Variants in RCAN3 observed in about 807,000 individuals in gnomAD.
RCAN3 encodes regulator of calcineurin 3, also known as calcipressin-3.
In RCAN3, 19 loss-of-function variants were observed where a neutral mutation model predicts 21.9. That is an observed-to-expected ratio of 0.87 (90% CI 0.61 to 1.27). The LOEUF (loss-of-function observed/expected upper bound fraction) is 1.27. Ranked by LOEUF, RCAN3 falls within the 50% of genes most tolerant of loss-of-function variation. The probability of loss-of-function intolerance (pLI) is 0.00; values close to 1 mark genes in which losing one functional copy is unlikely to be tolerated. For missense variants in RCAN3, 240 were observed against 300.1 expected (o/e 0.80, Z 1.48); for synonymous variants, 114 against 112.3 (o/e 1.01, Z -0.09).
intron 2 of RCAN3, among the ~76,000 whole-genome samples, chr1:24,521,352 C>T (rs1247130270): frequency 7.2e-5 from 11 of 152,090 alleles, no homozygotes. Context: ...ATTGCTTGAG[C>T]GCAGGAGTTT....
intron 3 of RCAN3, among the ~76,000 whole-genome samples, chr1:24,532,465 G>A (rs2148912520): frequency 6.6e-6 from 1 of 151,788 alleles, no homozygotes. Context: ...GACCTCAGGT[G>A]ACCCACCCGC....
rs1197815717 is a variant in RCAN3, at chr1:24,508,129, GAAAA to G, written c.-60+4981_-60+4984del. On this transcript the variant is annotated intron_variant, in intron 1 of 4. Transcript: ENST00000374395. ...AACTCCGTCTCAAAAAAAAAAGAAAGAAAAAGTGAAAAATACAAGACTAGAACTC... is the reference window on the plus strand; with the variant it reads ...AACTCCGTCTCAAAAAAAAAAGAAAGAGTGAAAAATACAAGACTAGAACTC... 3.2e-4 allele frequency among the ~76,000 whole-genome samples: 48 copies of G among 152,248 alleles called. No individual in the cohort carries two copies. In the East Asian group the frequency reaches 8.5e-3, roughly 27 times the overall value.
At chr1:24,534,723 C>T (rs746666916) in intron 4 of RCAN3, among the ~76,000 whole-genome samples, 4 of 152,300 alleles carry the variant, frequency 2.6e-5, no homozygotes, top group Non-Finnish European at 5.9e-5. Context: ...TCGCTTGAAC[C>T]TGGGAGGCAG....
intron 2 of RCAN3, among the ~76,000 whole-genome samples, chr1:24,519,215 GTTT>G (rs60599694): frequency 4.4e-5 from 6 of 136,728 alleles, no homozygotes; most frequent in Admixed American, 7.4e-5. Flanking sequence ...CTGGCCTGAT[GTTT>G]TTTTTTTTTT....
At chr1:24,520,844 A>AAAAAT (rs202072746) in intron 2 of RCAN3, among the ~76,000 whole-genome samples, 2 of 151,976 alleles carry the variant, frequency 1.3e-5, no homozygotes, top group African/African-American at 4.8e-5. Context: ...ATAATAAAAT[A>AAAAAT]AAAATAAAAT....
Position 24,513,190 on chromosome 1 carries a change from T to C in RCAN3, c.-59-1124T>C, listed in dbSNP as rs571013028. On this transcript the variant is annotated intron_variant, in intron 1 of 4. Transcript: ENST00000374395. ...AGGCGGAGCTTGCAGTGAGCCGAGA[T>C]TGTGCCACTGCACTCCAGCCTGGGT... 9.3e-4 allele frequency among the ~76,000 whole-genome samples: 142 copies of C among 152,148 alleles called. 1 individual carries two copies. The highest frequency in any genetic ancestry group is 6.8e-3 in the Middle Eastern group (2 of 292).
intron 2 of RCAN3, 46 bp from the exon 3 acceptor site, chr1:24,531,172 T>C (rs904643337): frequency 1.5e-6 from 2 of 1,340,570 alleles, no homozygotes; most frequent in Non-Finnish European, 2.0e-6. Flanking sequence ...TTTTTCTTTT[T>C]TTTTTTTCCT....
chr1:24,533,310 T>C, intron 4 of RCAN3, 56 bp downstream of exon 4: 1 of 1,394,496 alleles, frequency 7.2e-7, no homozygotes, highest in Non-Finnish European at 9.6e-7. Flanking sequence ...GTATTGAAGA[T>C]CGTATTCAGC....
intron 2 of RCAN3, among the ~76,000 whole-genome samples, chr1:24,526,407 AAGAG>A (rs142301367): frequency 0.014 from 2,147 of 150,598 alleles, 50 homozygotes; most frequent in African/African-American, 0.048. Context: ...TGGATTTTGG[AAGAG>A]AGAGAGAGAG....
chr1:24,514,453 G>A lies in RCAN3; in HGVS notation c.81G>A (p.Met27Ile). 5 of 1,614,156 alleles carry A rather than the reference G, an allele frequency of 3.1e-6. No individual in the cohort carries two copies. Among genetic ancestry groups the A allele is most frequent in the South Asian group, 1.1e-5 (1 of 91,088 alleles). The change falls in exon 2 of 5, where the codon ATG (methionine) becomes ATA (isoleucine). Residue 27 changes from methionine (M) to isoleucine (I), a missense_variant. Physicochemically the swap from Met to Ile is conservative, Grantham distance 10. Transcript: ENST00000374395. Reference sequence around the variant, plus strand: ...CTGACCAAGAAGAGGAAGAAGAGATGATTTTTGGTGAAAATGAAGATGATT... The same window carrying A: ...CTGACCAAGAAGAGGAAGAAGAGATAATTTTTGGTGAAAATGAAGATGATT... ...CSTDQEEEEE[M>I]IFGENEDDLD... is the part of the protein sequence containing the mutation.
At chr1:24,515,635 C>T (rs550384190) in intron 2 of RCAN3, among the ~76,000 whole-genome samples, 6 of 152,234 alleles carry the variant, frequency 3.9e-5, no homozygotes, top group Admixed American at 1.3e-4. Flanking sequence ...ATTTCCCTTC[C>T]GATGACTTTC....
intron 2 of RCAN3, among the ~76,000 whole-genome samples, chr1:24,528,754 T>C (rs1188814287): frequency 6.6e-6 from 1 of 152,138 alleles, no homozygotes; most frequent in Non-Finnish European, 1.5e-5. Context: ...ATCCACCTAA[T>C]AGTGGGAGAA....
chr1:24,523,603 T>TACACACACAC lies in RCAN3; in HGVS notation c.196-7585_196-7576dup, dbSNP rs71577716. ...TATATCAAATCTATATTATTTCTAATACACACACACACACACACACACACA... is the reference window on the plus strand; with the variant it reads ...TATATCAAATCTATATTATTTCTAATACACACACACACACACACACACACACACACACACA... On this transcript the variant is annotated intron_variant, in intron 2 of 4. Transcript: ENST00000374395. Among the ~76,000 whole-genome samples the TACACACACAC allele has an allele frequency of 4.4e-3, 614 of 140,822 alleles. 5 individuals carry two copies. The highest frequency in any genetic ancestry group is 0.015 in the African/African-American group (551 of 36,664). The allele number at this position is 140,822 out of a possible 152,430, so 92.4% of individuals were successfully genotyped here. A position where few individuals can be genotyped will look rare whatever the true frequency, so the allele number is the denominator to read the frequency against.
chr1:24,530,422 T>A (rs1465375208), intron 2 of RCAN3, among the ~76,000 whole-genome samples: 1 of 142,836 alleles, frequency 7.0e-6, no homozygotes, highest in Admixed American at 7.0e-5. Context: ...AGGAGCAAGA[T>A]CTAAGCAAAA....
chr1:24,512,707 G>A (rs755361196), intron 1 of RCAN3, among the ~76,000 whole-genome samples: 19 of 152,102 alleles, frequency 1.2e-4, no homozygotes, highest in Non-Finnish European at 1.8e-4. Flanking sequence ...TGGTATTGAG[G>A]TAGTAATCAT....
At chr1:24,526,100 T>C (rs948664543) in intron 2 of RCAN3, among the ~76,000 whole-genome samples, 1 of 152,132 alleles carries the variant, frequency 6.6e-6, no homozygotes, top group Non-Finnish European at 1.5e-5. Context: ...ATAATTCTTT[T>C]TAAGAGAGAG....
intron 1 of RCAN3, among the ~76,000 whole-genome samples, chr1:24,506,050 C>T (rs1162702773): frequency 2.6e-5 from 4 of 152,082 alleles, no homozygotes; most frequent in African/African-American, 9.7e-5. Context: ...AGAAGCCAGC[C>T]GTAGTTAGAG....
At position 24,536,529 on chromosome 1, in the gene RCAN3, A is replaced by G. The variant is rs886620164; in HGVS notation, c.*1252A>G. 1 of 152,226 alleles carries G rather than the reference A, an allele frequency of 6.6e-6. No individual in the cohort carries two copies. Among genetic ancestry groups the G allele is most frequent in the African/African-American group, 2.4e-5 (1 of 41,462 alleles). The allele number at this position is 152,226 out of a possible 1,614,324, so 9.4% of individuals were successfully genotyped here. On this transcript the variant is annotated 3_prime_UTR_variant, in exon 5 of 5. Coordinates refer to ENST00000374395, the MANE Select transcript of RCAN3 (RefSeq NM_013441.4). ...GTTTAGACTTTGAAGTCCCTTCTGT[A>G]GAAAAGTCTCATAACTGAGAAGGCT...
At chr1:24,511,084 T>C (rs1455544652) in intron 1 of RCAN3, among the ~76,000 whole-genome samples, 1 of 151,952 alleles carries the variant, frequency 6.6e-6, no homozygotes, top group African/African-American at 2.4e-5. Flanking sequence ...GAGGCCGAGG[T>C]GGGCAGATCA....
Sources: allele counts gnomAD v4.1 joint callset (sites outside exome capture counted in the v4.1 genomes callset), GRCh38; gene constraint gnomAD v4.1.1; transcripts MANE v1.5; gene names NCBI Gene and HGNC (gene_info 2026-07-23, HGNC 2026-07-21).